The following SLFN12L variants were observed in gnomAD, a reference collection of about 807,000 sequenced individuals.
SLFN12L encodes the protein schlafen family member 12-like.
SLFN12L carries 34 observed loss-of-function variants against 34.8 expected under a neutral mutation model. That is an observed-to-expected ratio of 0.98 (90% CI 0.74 to 1.30). SLFN12L has a LOEUF of 1.30. SLFN12L is among the 50% of genes most tolerant of loss of function. The pLI is 0.00. For missense variants in SLFN12L, 703 were observed against 696.2 expected (o/e 1.01, Z -0.11); for synonymous variants, 259 against 247.5 (o/e 1.05, Z -0.44).
At chr17:35,490,080 G>A in intron 2 of SLFN12L, 1 of 1,606,498 alleles carries the variant, frequency 6.2e-7, no homozygotes, top group Non-Finnish European at 8.5e-7. Context: ...GTAGCCACCG[G>A]CCCCCTCCTC....
At position 35,523,338 on chromosome 17, in the gene SLFN12L, A is replaced by G. The variant is rs9904890; in HGVS notation, c.-605-369T>C. ...ATTCCCCATCCCACTCTCAAAGTGC[A>G]TGAATCTCAAAATGTCCCTGAACAG... On this transcript the variant is annotated intron_variant, in intron 1 of 4. Coordinates refer to ENST00000628453, the MANE Select transcript of SLFN12L (RefSeq NM_001363830.2). 2.0e-3 allele frequency among the ~76,000 whole-genome samples: 303 copies of G among 152,326 alleles called. 3 individuals are homozygous for G. The highest frequency in any genetic ancestry group is 7.0e-3 in the African/African-American group (293 of 41,582).
intron 4 of SLFN12L, among the ~76,000 whole-genome samples, chr17:35,476,582 TTTC>T (rs1914035056): frequency 6.6e-6 from 1 of 152,026 alleles, no homozygotes; most frequent in Admixed American, 6.6e-5. Flanking sequence ...TGAACATCAC[TTTC>T]ATCAGCCTCA....
chr17:35,516,839 TTAC>T (rs1423602626), intron 2 of SLFN12L, among the ~76,000 whole-genome samples: 4 of 152,232 alleles, frequency 2.6e-5, no homozygotes, highest in Non-Finnish European at 5.9e-5. Context: ...ATAAGCAGCT[TTAC>T]TTTTAATAAA....
At chr17:35,521,978 G>A (rs1368860118) in intron 2 of SLFN12L, among the ~76,000 whole-genome samples, 1 of 152,134 alleles carries the variant, frequency 6.6e-6, no homozygotes, top group South Asian at 2.1e-4. Flanking sequence ...TGTGGGGTGA[G>A]GGGAGAGGGA....
intron 4 of SLFN12L, among the ~76,000 whole-genome samples, chr17:35,476,897 G>GAACA (rs1433812478): frequency 1.3e-5 from 2 of 151,802 alleles, no homozygotes; most frequent in African/African-American, 2.4e-5. Context: ...ATAAAAATCA[G>GAACA]AACAAATTAC....
At position 35,522,348 on chromosome 17, in the gene SLFN12L, T is replaced by C; in HGVS notation, c.17A>G (p.Asn6Ser). 2 of 1,614,176 alleles carry C rather than the reference T, an allele frequency of 1.2e-6. No individual in the cohort carries two copies. The highest frequency in any genetic ancestry group is 1.7e-6 in the Non-Finnish European group (2 of 1,180,022). ...TCTGTGTGCCTCACAGTGAAACACATTCCTGATCTTCTCCATGATCTTCAT... is the reference window on the plus strand; with the variant it reads ...TCTGTGTGCCTCACAGTGAAACACACTCCTGATCTTCTCCATGATCTTCAT... MEKIRNVFHCEAHRIL... is the reference protein window; with the variant it reads MEKIRSVFHCEAHRIL... Residue 6 changes from asparagine (N) to serine (S), a missense_variant, in exon 2 of 5, where the codon AAT becomes AGT. Asn to Ser is a conservative substitution (Grantham distance 46). Coordinates refer to ENST00000628453, the MANE Select transcript of SLFN12L (RefSeq NM_001363830.2).
chr17:35,467,133 C>G lies in SLFN12L; in HGVS notation c.*7790G>C, dbSNP rs1230099130. Among the ~76,000 whole-genome samples, 1 of 152,166 alleles carries G rather than the reference C, an allele frequency of 6.6e-6. No homozygotes were observed. The highest frequency in any genetic ancestry group is 2.1e-4 in the South Asian group (1 of 4,830). On this transcript the variant is annotated 3_prime_UTR_variant, in exon 5 of 5. Transcript: ENST00000628453. ...GCCATAGTGCTGGAGGAGGTCACCT[C>G]TCCTCCAGACCCCTTGGTTACCTGG...
chr17:35,531,767 C>T (rs1213240933), intron 1 of SLFN12L, among the ~76,000 whole-genome samples: 2 of 152,020 alleles, frequency 1.3e-5, no homozygotes, highest in African/African-American at 4.8e-5. Context: ...CAGGTTCCTG[C>T]CACCACGCCT....
intron 2 of SLFN12L, among the ~76,000 whole-genome samples, chr17:35,493,067 G>A (rs1230545752): frequency 1.3e-5 from 2 of 152,164 alleles, no homozygotes; most frequent in Non-Finnish European, 2.9e-5. Context: ...CAAGACAGGT[G>A]ACACCAGCAC....
chr17:35,507,848 G>A (rs1915513978), intron 2 of SLFN12L, among the ~76,000 whole-genome samples: 1 of 152,148 alleles, frequency 6.6e-6, no homozygotes, highest in South Asian at 2.1e-4. Context: ...AAGAAGACAT[G>A]GGTAGTGAGA....
At chr17:35,522,132 G>GA in intron 2 of SLFN12L, 147 bp downstream of exon 2, 11 of 1,116,036 alleles carry the variant, frequency 9.9e-6, no homozygotes, top group Non-Finnish European at 1.4e-5. Context: ...AAAAAAGGTA[G>GA]AAAAAATTAC....
At chr17:35,526,426 C>A (rs1330764875) in intron 1 of SLFN12L, among the ~76,000 whole-genome samples, 2 of 152,198 alleles carry the variant, frequency 1.3e-5, no homozygotes, top group African/African-American at 4.8e-5. Context: ...CACCTCATGG[C>A]ACTTATTCTA....
intron 1 of SLFN12L, among the ~76,000 whole-genome samples, chr17:35,534,143 A>T (rs2142181305): frequency 6.6e-6 from 1 of 152,244 alleles, no homozygotes; most frequent in African/African-American, 2.4e-5. Context: ...TGGGCAGATC[A>T]TGAGGTCAAG....
In SLFN12L at chr17:35,530,512, GAAAAGAAAAGA is replaced by G. The variant is rs1260607130; in HGVS notation, c.-606+7050_-606+7060del. ...AGAAAGAAAGAAAGAAAGAAAGAAA[GAAAAGAAAAGA>G]AAAGAAAAGAAAAGAAAAGAAAGAA... On this transcript the variant is annotated intron_variant, in intron 1 of 4. Transcript: ENST00000628453. Among the ~76,000 whole-genome samples the G allele has an allele frequency of 3.0e-4, 10 of 33,338 alleles. No homozygotes were observed. In the South Asian group the frequency reaches 4.2e-3, roughly 14 times the overall value. 21.9% of individuals were successfully genotyped at this position (33,338 alleles called of 152,430 possible). A position where few individuals can be genotyped will look rare whatever the true frequency, so the allele number is the denominator to read the frequency against.
At chr17:35,498,499 T>C (rs1160652538) in intron 2 of SLFN12L, 2 of 1,197,530 alleles carry the variant, frequency 1.7e-6, no homozygotes, top group Non-Finnish European at 2.5e-6. Context: ...GTGATGCCTC[T>C]CCTTTATCCT....
intron 2 of SLFN12L, chr17:35,487,891 T>A (rs970415912): frequency 3.6e-6 from 3 of 822,564 alleles, no homozygotes; most frequent in Non-Finnish European, 6.1e-6. Flanking sequence ...TGTTATCGAC[T>A]CTGCGCCTTT....
rs1915609504 is a variant in SLFN12L, at chr17:35,510,668, C to T, written c.86+11611G>A. Among the ~76,000 whole-genome samples the T allele has an allele frequency of 2.0e-5, 3 of 152,200 alleles. No homozygotes were observed. In the South Asian group the frequency reaches 6.2e-4, roughly 32 times the overall value. ...GTGGATAGTGGTGATCATTGCACAACTCTGTGAATGTACTAAAAATTATTG... is the reference window on the plus strand; with the variant it reads ...GTGGATAGTGGTGATCATTGCACAATTCTGTGAATGTACTAAAAATTATTG... On this transcript the variant is annotated intron_variant, in intron 2 of 4. Transcript: ENST00000628453.
chr17:35,529,204 G>A (rs922812060), intron 1 of SLFN12L, among the ~76,000 whole-genome samples: 80 of 152,336 alleles, frequency 5.3e-4, no homozygotes, highest in African/African-American at 1.9e-3. Context: ...AACAGATGCT[G>A]GAGAGGATGT....
At chr17:35,516,867 T>C (rs760905281) in intron 2 of SLFN12L, among the ~76,000 whole-genome samples, 2 of 152,258 alleles carry the variant, frequency 1.3e-5, no homozygotes, top group Non-Finnish European at 2.9e-5. Context: ...TTTATTCAAC[T>C]AAATATTTCC....
Sources: gnomAD v4.1 joint callset for allele counts (sites outside exome capture counted in the v4.1 genomes callset) on GRCh38, gnomAD v4.1.1 for gene constraint, MANE v1.5 for transcripts, NCBI Gene and HGNC (gene_info 2026-07-23, HGNC 2026-07-21) for gene names.